The following CELF2 variants were observed in gnomAD, a reference collection of about 807,000 sequenced individuals.
CELF2 encodes the protein CUG triplet repeat RNA-binding protein 2.
In CELF2, 8 loss-of-function variants were observed where a neutral mutation model predicts 62.6. The observed-to-expected ratio is 0.13, with a 90% CI of 0.07 to 0.23. The LOEUF is 0.23. Ranked by LOEUF, CELF2 falls within the 10% of genes least tolerant of loss-of-function variation. CELF2 has a pLI of 1.00. For synonymous variants in CELF2, 258 were observed against 250.0 expected, an observed-to-expected ratio of 1.03 and a Z score of -0.30; for missense variants, 333 against 671.0, an observed-to-expected ratio of 0.50 and a Z score of 5.56.
intron 2 of CELF2, among the ~76,000 whole-genome samples, chr10:11,210,918 A>T (rs373379232): frequency 6.6e-6 from 1 of 152,128 alleles, no homozygotes; most frequent in East Asian, 1.9e-4. Context: ...ATGTACAAAG[A>T]TTATGTGTCA....
chr10:11,138,448 GC>G (rs1294924940), intron 1 of CELF2, among the ~76,000 whole-genome samples: 1 of 152,182 alleles, frequency 6.6e-6, no homozygotes, highest in African/African-American at 2.4e-5. Flanking sequence ...AGACGGTACA[GC>G]TTTTCCATGC....
At chr10:11,030,153 T>C (rs747281905) in intron 1 of CELF2, among the ~76,000 whole-genome samples, 23 of 152,364 alleles carry the variant, frequency 1.5e-4, no homozygotes, top group Non-Finnish European at 2.8e-4. Context: ...ACTAACACTT[T>C]AAGGGATGCT....
intron 1 of CELF2, among the ~76,000 whole-genome samples, chr10:10,900,430 A>G (rs1451199506): frequency 6.6e-6 from 1 of 152,246 alleles, no homozygotes; most frequent in African/African-American, 2.4e-5. Flanking sequence ...TATATAATTT[A>G]TCACATTAAT....
At chr10:10,711,114 C>T in the CELF2 span, among the ~76,000 whole-genome samples, 1 of 152,152 alleles carries the variant, frequency 6.6e-6, no homozygotes, top group African/African-American at 2.4e-5. Flanking sequence ...GCAACAGCAG[C>T]ATCCTCCCAG....
intron 2 of CELF2, among the ~76,000 whole-genome samples, chr10:10,994,780 T>C (rs1225946267): frequency 6.8e-6 from 1 of 147,226 alleles, no homozygotes; most frequent in African/African-American, 2.5e-5. Context: ...ACTGCTGATG[T>C]ATAAGATTCA....
chr10:10,636,023 G>A, the CELF2 span, among the ~76,000 whole-genome samples: 5 of 152,108 alleles, frequency 3.3e-5, no homozygotes, highest in East Asian at 3.9e-4. Context: ...ATGAAGAAAA[G>A]ATTATTGGGC....
intron 1 of CELF2, among the ~76,000 whole-genome samples, chr10:10,812,533 G>A (rs1473451952): frequency 1.3e-5 from 2 of 152,044 alleles, no homozygotes; most frequent in African/African-American, 2.4e-5. Context: ...AAAAGTCTCC[G>A]TTCCCCAAAC....
intron 1 of CELF2, among the ~76,000 whole-genome samples, chr10:10,830,067 C>T (rs770543200): frequency 1.3e-5 from 2 of 151,954 alleles, no homozygotes; most frequent in East Asian, 1.9e-4. Flanking sequence ...TGAGTGTATC[C>T]GTGTAGAAAA....
chr10:10,681,465 A>G, the CELF2 span, among the ~76,000 whole-genome samples: 1 of 152,182 alleles, frequency 6.6e-6, no homozygotes, highest in African/African-American at 2.4e-5. Flanking sequence ...CTCCATTCCA[A>G]CTACTCACCT....
intron 10 of CELF2, among the ~76,000 whole-genome samples, chr10:11,320,253 G>A (rs2095354883): frequency 6.6e-6 from 1 of 152,170 alleles, no homozygotes; most frequent in Admixed American, 6.5e-5. Flanking sequence ...TAGAGCCAAA[G>A]AGCAGTCAGG....
intron 1 of CELF2, among the ~76,000 whole-genome samples, chr10:11,154,255 A>T (rs2063875196): frequency 6.6e-6 from 1 of 152,220 alleles, no homozygotes; most frequent in South Asian, 2.1e-4. Context: ...GCCTATTTTA[A>T]TTGGTGATTT....
In CELF2 at chr10:11,268,406, C is replaced by G. The variant is rs546045412; in HGVS notation, c.618+1729C>G. On this transcript the variant is annotated intron_variant, in intron 6 of 12. Transcript: ENST00000633077. This position sits in a 1 kb window ranked among gnomAD's most constrained non-coding sequence, Gnocchi z 4.7. ...ACGATCCCCATTCCTTCCCTTGGAG[C>G]CCCCCCAGTAATGCTCAGAGAGCCA... Among the ~76,000 whole-genome samples the G allele has an allele frequency of 2.6e-5, 4 of 151,932 alleles. No homozygotes were observed. Among genetic ancestry groups the G allele is most frequent in the Non-Finnish European group, 5.9e-5 (4 of 67,960 alleles).
the CELF2 span, among the ~76,000 whole-genome samples, chr10:10,536,299 T>G: frequency 6.6e-6 from 1 of 152,366 alleles, no homozygotes; most frequent in South Asian, 2.1e-4. Flanking sequence ...ATTACAGGCA[T>G]GAGCCACCAT....
At chr10:11,183,993 G>T (rs547030635) in intron 2 of CELF2, among the ~76,000 whole-genome samples, 1 of 152,150 alleles carries the variant, frequency 6.6e-6, no homozygotes, top group African/African-American at 2.4e-5. Flanking sequence ...CCTAACCCAA[G>T]GTCATAAAGG....
In CELF2 at chr10:11,167,625, A is replaced by AT. The variant is rs566263204; in HGVS notation, c.271+1949dup. On this transcript the variant is annotated intron_variant, in intron 2 of 12. Coordinates refer to ENST00000633077, the MANE Select transcript of CELF2 (RefSeq NM_001326342.2). ...TTGCCCAGATGTTCCTATGAGCAGC[A>AT]TTTTTTACCAGCCTATATTTGATAC... is the stretch of plus-strand genomic sequence containing the variant. Among the ~76,000 whole-genome samples the AT allele has an allele frequency of 3.9e-4, 59 of 152,290 alleles. No individual in the cohort carries two copies. In the South Asian group the frequency reaches 0.011, roughly 29 times the overall value.
chr10:10,935,843 T>C (rs750501160), intron 2 of CELF2, among the ~76,000 whole-genome samples: 12 of 152,156 alleles, frequency 7.9e-5, no homozygotes, highest in Non-Finnish European at 1.5e-4. Flanking sequence ...ATGTGCCTTC[T>C]AGTTGACTTT....
intron 1 of CELF2, among the ~76,000 whole-genome samples, chr10:10,811,671 G>C (rs2055908322): frequency 6.6e-6 from 1 of 152,122 alleles, no homozygotes; most frequent in African/African-American, 2.4e-5. Context: ...GTCAGGTATT[G>C]GCTGGAACAC....
chr10:10,636,508 A>T, the CELF2 span, among the ~76,000 whole-genome samples: 24 of 152,348 alleles, frequency 1.6e-4, no homozygotes, highest in African/African-American at 5.5e-4. Context: ...AGTGAGCTAC[A>T]TCACAATAAT....
intron 1 of CELF2, among the ~76,000 whole-genome samples, chr10:10,850,286 A>G (rs1411444602): frequency 6.6e-6 from 1 of 152,214 alleles, no homozygotes; most frequent in Admixed American, 6.5e-5. Flanking sequence ...ATGCCCAAAC[A>G]TGTGGCAGGA....
Sources: allele counts gnomAD v4.1 joint callset (sites outside exome capture counted in the v4.1 genomes callset), GRCh38; gene constraint gnomAD v4.1.1; non-coding constraint Gnocchi (gnomAD v3.1); transcripts MANE v1.5; gene names NCBI Gene and HGNC (gene_info 2026-07-23, HGNC 2026-07-21).